Variants in ST8SIA6 observed in about 807,000 individuals in gnomAD.
ST8SIA6 encodes the protein alpha-2,8-sialyltransferase 8F.
Under a neutral mutation model 33.6 loss-of-function variants are expected in ST8SIA6, and 39 were observed. The ratio of observed to expected loss-of-function variants is 1.16; its 90% CI spans 0.90 to 1.52. The LOEUF (loss-of-function observed/expected upper bound fraction) is 1.52. ST8SIA6 is among the 40% of genes most tolerant of loss of function. The pLI is 0.00. For synonymous variants in ST8SIA6, 172 were observed against 167.2 expected (o/e 1.03, Z -0.22); for missense variants, 441 against 443.8 (o/e 0.99, Z 0.06).
chr10:17,393,855 C>T (rs561495087), intron 2 of ST8SIA6, among the ~76,000 whole-genome samples: 3 of 152,304 alleles, frequency 2.0e-5, no homozygotes, highest in African/African-American at 7.2e-5. Flanking sequence ...CACAAAAGTC[C>T]CTCTTAATCC....
chr10:17,321,822 T>G (rs1022651785), intron 7 of ST8SIA6, among the ~76,000 whole-genome samples: 3 of 152,160 alleles, frequency 2.0e-5, no homozygotes, highest in African/African-American at 4.8e-5. Flanking sequence ...GAAAATAGAC[T>G]GGGCACAGAG....
chr10:17,351,526 G>A (rs1169461533), intron 4 of ST8SIA6, among the ~76,000 whole-genome samples: 1 of 144,568 alleles, frequency 6.9e-6, no homozygotes, highest in Non-Finnish European at 1.5e-5. Flanking sequence ...CACATAACAT[G>A]ACAGCTAAAG....
chr10:17,389,471 C>G (rs540924928), intron 3 of ST8SIA6, among the ~76,000 whole-genome samples: 49 of 152,278 alleles, frequency 3.2e-4, no homozygotes, highest in African/African-American at 1.1e-3. Flanking sequence ...CCAACACACA[C>G]ACATCCTTTG....
chr10:17,325,218 G>C (rs991711118), intron 6 of ST8SIA6, among the ~76,000 whole-genome samples: 2 of 141,460 alleles, frequency 1.4e-5, no homozygotes, highest in African/African-American at 5.1e-5. Flanking sequence ...ATATAATACT[G>C]TATTATATAG....
rs531783973 is a variant in ST8SIA6 at position 17,416,578 on chromosome 10, T to G, written c.201-25958A>C. Among the ~76,000 whole-genome samples, 7 of 152,328 alleles carry G rather than the reference T, an allele frequency of 4.6e-5. No homozygotes were observed. In the South Asian group the frequency reaches 1.2e-3, roughly 27 times the overall value. On this transcript the variant is annotated intron_variant, in intron 2 of 7. Coordinates refer to ENST00000377602, the MANE Select transcript of ST8SIA6 (RefSeq NM_001004470.3). ...GGTAATGAACTGCTCAAGCCAAACA[T>G]TTATCATTCGGATTCCTGTCCTTCT...
chr10:17,328,946 G>A (rs1848217109), intron 5 of ST8SIA6, among the ~76,000 whole-genome samples: 1 of 152,110 alleles, frequency 6.6e-6, no homozygotes, highest in African/African-American at 2.4e-5. Flanking sequence ...ATTTGGCAAA[G>A]GTTGCAAAAT....
At chr10:17,432,187 A>G (rs1471699507) in intron 2 of ST8SIA6, among the ~76,000 whole-genome samples, 3 of 152,228 alleles carry the variant, frequency 2.0e-5, no homozygotes, top group Non-Finnish European at 4.4e-5. Context: ...ATTGAAAGAG[A>G]TGAAGTCAGA....
At chr10:17,371,999 C>T (rs1004538314) in intron 3 of ST8SIA6, among the ~76,000 whole-genome samples, 4 of 152,222 alleles carry the variant, frequency 2.6e-5, no homozygotes, top group African/African-American at 7.2e-5. Flanking sequence ...GTCTAATGCA[C>T]TCTCCAGGTC....
rs941834004 is a variant in ST8SIA6, at chr10:17,352,964, T to TA, written c.377+6549dup. 7.3e-5 allele frequency among the ~76,000 whole-genome samples: 11 copies of TA among 151,296 alleles called. No individual in the cohort carries two copies. The East Asian group carries it at 7.7e-4, about 11-fold the overall frequency. On this transcript the variant is annotated intron_variant, in intron 4 of 7. Transcript: ENST00000377602. ...ATCATAAAGTACACACTTCTTAAAT[T>TA]AAAAAAAAATAAAATATGTATTGCT...
chr10:17,337,583 C>T (rs1037008766), intron 4 of ST8SIA6, among the ~76,000 whole-genome samples: 3 of 152,188 alleles, frequency 2.0e-5, no homozygotes, highest in African/African-American at 7.2e-5. Context: ...TAAGCATATG[C>T]TCTTTGTCAC....
intron 4 of ST8SIA6, among the ~76,000 whole-genome samples, chr10:17,333,042 A>G (rs1367687176): frequency 2.0e-5 from 3 of 152,138 alleles, no homozygotes; most frequent in African/African-American, 7.2e-5. Flanking sequence ...TGCTGTGCAG[A>G]AGCTCTTTAG....
Position 17,320,132 on chromosome 10 carries a change from GT to G in ST8SIA6, c.*745del, listed in dbSNP as rs1847897322. ...AGTGACCCCACAGGCAAGACAACAG[GT>G]AAGAAAGACTGGGTATTGTAACTGT... On this transcript the variant is annotated 3_prime_UTR_variant, in exon 8 of 8. Coordinates refer to ENST00000377602, the MANE Select transcript of ST8SIA6 (RefSeq NM_001004470.3). 1 of 152,102 alleles carries G rather than the reference GT, an allele frequency of 6.6e-6. No individual in the cohort carries two copies. The highest frequency in any genetic ancestry group is 2.4e-5 in the African/African-American group (1 of 41,416). The allele number at this position is 152,102 out of a possible 1,614,324, so 9.4% of individuals were successfully genotyped here. A position where few individuals can be genotyped will look rare whatever the true frequency, so the allele number is the denominator to read the frequency against.
chr10:17,332,723 G>A (rs1391490112), intron 4 of ST8SIA6, among the ~76,000 whole-genome samples: 1 of 152,134 alleles, frequency 6.6e-6, no homozygotes, highest in Non-Finnish European at 1.5e-5. Context: ...GCCTCCCAAT[G>A]TGCTATTTCT....
intron 2 of ST8SIA6, among the ~76,000 whole-genome samples, chr10:17,418,034 ATAAC>A (rs1360175216): frequency 6.6e-6 from 1 of 152,190 alleles, no homozygotes; most frequent in African/African-American, 2.4e-5. Flanking sequence ...TGGGAAATAA[ATAAC>A]TGAGAAGAGT....
intron 4 of ST8SIA6, among the ~76,000 whole-genome samples, chr10:17,333,093 T>A (rs939086180): frequency 9.2e-5 from 14 of 151,956 alleles, no homozygotes; most frequent in Non-Finnish European, 1.2e-4. Context: ...TTTCTATACA[T>A]CAACAACAGA....
At chr10:17,449,069 A>G (rs1852824519) in intron 2 of ST8SIA6, among the ~76,000 whole-genome samples, 1 of 151,886 alleles carries the variant, frequency 6.6e-6, no homozygotes, top group Non-Finnish European at 1.5e-5. Context: ...AACAGTTTAG[A>G]ATGTATTTTT....
intron 4 of ST8SIA6, among the ~76,000 whole-genome samples, chr10:17,338,242 C>T (rs886581982): frequency 1.3e-5 from 2 of 152,122 alleles, no homozygotes; most frequent in African/African-American, 4.8e-5. Context: ...CCATGTTGGT[C>T]AGGCTGGTCT....
intron 4 of ST8SIA6, among the ~76,000 whole-genome samples, chr10:17,339,110 A>G (rs1848595432): frequency 9.3e-6 from 1 of 107,490 alleles, no homozygotes. Flanking sequence ...AATTGTAAAA[A>G]TTCCTTTTTT....
At chr10:17,401,296 A>G (rs1480254845) in intron 2 of ST8SIA6, among the ~76,000 whole-genome samples, 2 of 152,288 alleles carry the variant, frequency 1.3e-5, no homozygotes, top group East Asian at 3.9e-4. Flanking sequence ...CAAACAAATG[A>G]AAGAACATTC....
Sources: allele counts gnomAD v4.1 joint callset (sites outside exome capture counted in the v4.1 genomes callset), GRCh38; gene constraint gnomAD v4.1.1; transcripts MANE v1.5; gene names NCBI Gene and HGNC (gene_info 2026-07-23, HGNC 2026-07-21).